MED13L: variants seen among roughly 807,000 people sequenced by gnomAD.
MED13L encodes the protein mediator complex subunit 13L.
MED13L carries 7 observed loss-of-function variants against 220.9 expected under a neutral mutation model. That is an observed-to-expected ratio of 0.03 (90% CI 0.02 to 0.06). The LOEUF is 0.06. Ranked by LOEUF, MED13L falls within the 10% of genes least tolerant of loss-of-function variation. The pLI, the probability that MED13L is intolerant of heterozygous loss-of-function variation, is 1.00. For missense variants in MED13L, 1,965 were observed against 2,760.5 expected (o/e 0.71, Z 6.46); for synonymous variants, 1,011 against 1,015.2 (o/e 1.00, Z 0.08).
intron 2 of MED13L, among the ~76,000 whole-genome samples, chr12:116,184,894 T>C (rs1880773872): frequency 6.6e-6 from 1 of 152,148 alleles, no homozygotes; most frequent in South Asian, 2.1e-4. Flanking sequence ...CTGTTGGAAA[T>C]AGTATTGTGC....
intron 4 of MED13L, among the ~76,000 whole-genome samples, chr12:116,082,185 C>A (rs1296045207): frequency 6.6e-6 from 1 of 152,144 alleles, no homozygotes; most frequent in African/African-American, 2.4e-5. Context: ...CTTATTCTTT[C>A]TAATTTTCTT....
chr12:116,044,938 T>C (rs1486480421), intron 4 of MED13L, among the ~76,000 whole-genome samples: 1 of 152,198 alleles, frequency 6.6e-6, no homozygotes, highest in Non-Finnish European at 1.5e-5. Context: ...GGTGGATCCA[T>C]TCATACTCCT....
At chr12:116,264,730 C>T (rs1044659486) in intron 1 of MED13L, among the ~76,000 whole-genome samples, 11 of 152,118 alleles carry the variant, frequency 7.2e-5, no homozygotes, top group African/African-American at 2.7e-4. Context: ...TCTGTCTTTC[C>T]ACTATTGATG....
chr12:116,261,505 A>C (rs960731590), intron 1 of MED13L, among the ~76,000 whole-genome samples: 2 of 151,952 alleles, frequency 1.3e-5, no homozygotes, highest in African/African-American at 4.8e-5. Flanking sequence ...AAAAAAAAAA[A>C]AAAAAACTCT....
intron 4 of MED13L, among the ~76,000 whole-genome samples, chr12:116,042,282 C>T (rs530894754): frequency 6.6e-6 from 1 of 152,278 alleles, no homozygotes; most frequent in South Asian, 2.1e-4. Context: ...AGAAAGGTAC[C>T]ATCTTGGCTA....
At chr12:116,239,039 G>A (rs562593995) in intron 1 of MED13L, among the ~76,000 whole-genome samples, 1 of 152,280 alleles carries the variant, frequency 6.6e-6, no homozygotes, top group African/African-American at 2.4e-5. Flanking sequence ...AGGTTGCAGT[G>A]AGCCGAGATC....
rs183827355 is a variant in MED13L at position 116,269,418 on chromosome 12, C to T, written c.72+7642G>A. 1.7e-3 allele frequency among the ~76,000 whole-genome samples: 262 copies of T among 150,516 alleles called. 1 individual carries two copies. The highest frequency in any genetic ancestry group is 6.1e-3 in the African/African-American group (249 of 40,926). ...TCTTCCTGATGCTCTCCCTCCTCCC[C>T]GCCCCCCCAATCTACTTTTAAAGTT... On this transcript the variant is annotated intron_variant, in intron 1 of 30. Transcript: ENST00000281928.
chr12:116,032,612 C>G, intron 4 of MED13L, among the ~76,000 whole-genome samples: 1 of 152,086 alleles, frequency 6.6e-6, no homozygotes, highest in East Asian at 1.9e-4. Flanking sequence ...TTTCAGATAC[C>G]GACATGGCTC....
chr12:116,270,173 C>T (rs1306863900), intron 1 of MED13L, among the ~76,000 whole-genome samples: 2 of 150,630 alleles, frequency 1.3e-5, no homozygotes, highest in Non-Finnish European at 1.5e-5. Context: ...GACAGACTCT[C>T]GCTCTGTCGC....
intron 1 of MED13L, among the ~76,000 whole-genome samples, chr12:116,246,306 C>G (rs1871094462): frequency 6.6e-6 from 1 of 151,586 alleles, no homozygotes; most frequent in African/African-American, 2.4e-5. Context: ...GGAAACAGAC[C>G]TGAGAGGGAA....
intron 1 of MED13L, among the ~76,000 whole-genome samples, chr12:116,275,409 T>A (rs929252505): frequency 1.3e-5 from 2 of 152,214 alleles, no homozygotes; most frequent in Non-Finnish European, 2.9e-5. Flanking sequence ...ATATTTCATT[T>A]AAAAAAATTT....
At chr12:116,144,680 G>T (rs760538146) in intron 2 of MED13L, among the ~76,000 whole-genome samples, 2 of 152,136 alleles carry the variant, frequency 1.3e-5, no homozygotes, top group Non-Finnish European at 2.9e-5. Flanking sequence ...ACACGTAAAG[G>T]TGCTTAAAAT....
intron 9 of MED13L, among the ~76,000 whole-genome samples, chr12:116,012,294 G>A (rs370936244): frequency 1.3e-5 from 2 of 152,188 alleles, no homozygotes; most frequent in South Asian, 2.1e-4. Flanking sequence ...ATCTGAGGAC[G>A]TATCCAAAGA....
At position 116,124,156 on chromosome 12, in the gene MED13L, G is replaced by A. The variant is rs1278404090; in HGVS notation, c.311-12644C>T. ...AGAGAGAGAGAGAGAGAGAGACAGAGACAGAGAGAGACAGAGAGAGACAGA... is the reference window on the plus strand; with the variant it reads ...AGAGAGAGAGAGAGAGAGAGACAGAAACAGAGAGAGACAGAGAGAGACAGA... On this transcript the variant is annotated intron_variant, in intron 2 of 30. Coordinates refer to ENST00000281928, the MANE Select transcript of MED13L (RefSeq NM_015335.5). Among the ~76,000 whole-genome samples, 7 of 142,976 alleles carry A rather than the reference G, an allele frequency of 4.9e-5. No homozygotes were observed. In the East Asian group the frequency reaches 1.5e-3, roughly 30 times the overall value. The allele number at this position is 142,976 out of a possible 152,430, so 93.8% of individuals were successfully genotyped here.
At chr12:116,184,930 T>C (rs1880776848) in intron 2 of MED13L, among the ~76,000 whole-genome samples, 1 of 152,138 alleles carries the variant, frequency 6.6e-6, no homozygotes, top group Non-Finnish European at 1.5e-5. Context: ...TTCACAAGGA[T>C]CCAGTGTTTG....
intron 4 of MED13L, among the ~76,000 whole-genome samples, chr12:116,058,120 A>G (rs1869124102): frequency 6.6e-6 from 1 of 152,184 alleles, no homozygotes; most frequent in Non-Finnish European, 1.5e-5. Flanking sequence ...AAAAGACATC[A>G]AACATACTTT....
chr12:116,146,308 G>C (rs1209289336), intron 2 of MED13L, among the ~76,000 whole-genome samples: 3 of 152,076 alleles, frequency 2.0e-5, no homozygotes, highest in Non-Finnish European at 2.9e-5. Context: ...TTTTAGTAGA[G>C]ATGGGCTTTC....
intron 2 of MED13L, among the ~76,000 whole-genome samples, chr12:116,203,747 G>C (rs1012729042): frequency 1.3e-5 from 2 of 152,102 alleles, no homozygotes; most frequent in Admixed American, 1.3e-4. Context: ...CTTGAACCCA[G>C]GAGGCAGAGG....
chr12:116,051,975 C>A (rs1868545793), intron 4 of MED13L, among the ~76,000 whole-genome samples: 1 of 152,100 alleles, frequency 6.6e-6, no homozygotes, highest in Non-Finnish European at 1.5e-5. Context: ...GCCAAAAAGC[C>A]ACAATCAAAT....
Sources: allele counts gnomAD v4.1 joint callset (sites outside exome capture counted in the v4.1 genomes callset), GRCh38; gene constraint gnomAD v4.1.1; transcripts MANE v1.5; gene names NCBI Gene and HGNC (gene_info 2026-07-23, HGNC 2026-07-21).